Variants in WWOX observed in about 807,000 individuals in gnomAD.
WWOX encodes the protein WW domain containing oxidoreductase.
Under a neutral mutation model 46.2 loss-of-function variants are expected in WWOX, and 69 were observed. That is an observed-to-expected ratio of 1.49 (90% CI 1.23 to 1.82). WWOX has a LOEUF of 1.82. Ranked by LOEUF, WWOX falls within the 40% of genes most tolerant of loss-of-function variation. WWOX has a pLI of 0.00. For missense variants in WWOX, 919 were observed against 542.6 expected, an observed-to-expected ratio of 1.69 and a Z score of -6.89; for synonymous variants, 359 against 202.6, an observed-to-expected ratio of 1.77 and a Z score of -6.56.
chr16:78,268,934 G>C (rs1019147242), intron 5 of WWOX, among the ~76,000 whole-genome samples: 3 of 151,984 alleles, frequency 2.0e-5, no homozygotes, highest in African/African-American at 4.8e-5. Flanking sequence ...AGGCAACCAT[G>C]ATTAGTATTT....
intron 8 of WWOX, among the ~76,000 whole-genome samples, chr16:78,492,914 A>G (rs966263681): frequency 2.6e-5 from 4 of 152,130 alleles, no homozygotes; most frequent in African/African-American, 9.7e-5. Flanking sequence ...TCCTTTATTC[A>G]CGACAGACAT....
At chr16:78,371,466 T>C (rs2081683961) in intron 5 of WWOX, among the ~76,000 whole-genome samples, 1 of 152,194 alleles carries the variant, frequency 6.6e-6, no homozygotes. Context: ...TGTAGCTCTT[T>C]TAGTTGGTTT....
At chr16:78,991,407 A>G (rs994876159) in intron 8 of WWOX, among the ~76,000 whole-genome samples, 5 of 152,050 alleles carry the variant, frequency 3.3e-5, no homozygotes, top group African/African-American at 1.2e-4. Context: ...CAGCCTGGTC[A>G]ACACAAGGAG....
chr16:78,821,386 C>A (rs1291784272), intron 8 of WWOX, among the ~76,000 whole-genome samples: 3 of 152,146 alleles, frequency 2.0e-5, no homozygotes, highest in African/African-American at 7.2e-5. Context: ...TCTGGTTTAT[C>A]CTTCTTTCCC....
At chr16:78,405,199 T>C (rs2082498682) in intron 6 of WWOX, among the ~76,000 whole-genome samples, 1 of 152,194 alleles carries the variant, frequency 6.6e-6, no homozygotes. Context: ...TGGAATTCAC[T>C]ATAAGAAGTT....
intron 8 of WWOX, among the ~76,000 whole-genome samples, chr16:78,872,219 G>A (rs189352380): frequency 2.0e-5 from 3 of 152,282 alleles, no homozygotes; most frequent in Admixed American, 2.0e-4. Context: ...TCAAATCCCA[G>A]CTCTGCTATT....
intron 8 of WWOX, among the ~76,000 whole-genome samples, chr16:78,541,680 G>T (rs187381763): frequency 8.5e-4 from 129 of 151,888 alleles, no homozygotes; most frequent in African/African-American, 3.1e-3. Flanking sequence ...GTGTGACATT[G>T]AAAAAGTGAT....
chr16:79,201,430 A>C (rs570573912), intron 8 of WWOX, among the ~76,000 whole-genome samples: 1 of 151,038 alleles, frequency 6.6e-6, no homozygotes, highest in Non-Finnish European at 1.5e-5. Flanking sequence ...GGATTTGTAC[A>C]CGATGCCTGA....
At chr16:79,158,759 G>A (rs2050430033) in intron 8 of WWOX, among the ~76,000 whole-genome samples, 1 of 152,188 alleles carries the variant, frequency 6.6e-6, no homozygotes, top group African/African-American at 2.4e-5. Context: ...CCAGTCTAAA[G>A]AAGCCACCTC....
chr16:78,482,342 C>T (rs914198920), intron 8 of WWOX, among the ~76,000 whole-genome samples: 38 of 152,212 alleles, frequency 2.5e-4, no homozygotes, highest in African/African-American at 9.1e-4. Context: ...CTTCCTCGGC[C>T]TCCGTAGTAG....
At chr16:78,914,900 A>G (rs2151260757) in intron 8 of WWOX, among the ~76,000 whole-genome samples, 1 of 151,632 alleles carries the variant, frequency 6.6e-6, no homozygotes, top group African/African-American at 2.4e-5. Context: ...AAAAAAAAAA[A>G]AAAGGAACCA....
At chr16:79,104,871 G>C (rs1344970622) in intron 8 of WWOX, among the ~76,000 whole-genome samples, 1 of 152,116 alleles carries the variant, frequency 6.6e-6, no homozygotes, top group Non-Finnish European at 1.5e-5. Flanking sequence ...TCCAAACCTC[G>C]ACAGACAGCG....
In WWOX at chr16:78,522,746, T is replaced by C. The variant is rs114239484; in HGVS notation, c.1056+89994T>C. On this transcript the variant is annotated intron_variant, in intron 8 of 8. Coordinates refer to ENST00000566780, the MANE Select transcript of WWOX (RefSeq NM_016373.4). ...GGAGCTCTGATGAGACTTGGGATGA[T>C]AAAGTCAAGTCGAATATCTGGTAGG... is the stretch of plus-strand genomic sequence containing the variant. Among the ~76,000 whole-genome samples the C allele has an allele frequency of 9.0e-3, 1,371 of 152,304 alleles. 19 individuals carry two copies. The highest frequency in any genetic ancestry group is 0.028 in the African/African-American group (1,180 of 41,570).
chr16:79,173,197 C>T (rs866778185), intron 8 of WWOX, among the ~76,000 whole-genome samples: 3 of 152,192 alleles, frequency 2.0e-5, no homozygotes, highest in Non-Finnish European at 4.4e-5. Context: ...GCAGAGTGAA[C>T]CCTTTCGGTT....
chr16:78,839,709 T>C (rs2151167156), intron 8 of WWOX, among the ~76,000 whole-genome samples: 1 of 152,204 alleles, frequency 6.6e-6, no homozygotes, highest in Non-Finnish European at 1.5e-5. Flanking sequence ...ATTTGGAAAA[T>C]ACATCCCTGG....
chr16:79,047,483 G>C (rs753658784), intron 8 of WWOX, among the ~76,000 whole-genome samples: 1 of 151,968 alleles, frequency 6.6e-6, no homozygotes, highest in Non-Finnish European at 1.5e-5. Flanking sequence ...CTGGCATATA[G>C]AAATGATGTC....
intron 5 of WWOX, 108 bp from the exon 6 acceptor site, chr16:78,386,752 A>G (rs2082069526): frequency 2.0e-6 from 2 of 991,480 alleles, no homozygotes; most frequent in South Asian, 1.3e-5. Context: ...GGCGTCTTAT[A>G]TTAAACAGGG....
intron 8 of WWOX, among the ~76,000 whole-genome samples, chr16:78,948,056 G>A (rs753707858): frequency 6.6e-6 from 1 of 152,216 alleles, no homozygotes; most frequent in East Asian, 1.9e-4. Flanking sequence ...AGGAAAGAAG[G>A]CAGCCTGTGC....
chr16:78,930,754 G>A (rs980642503), intron 8 of WWOX, among the ~76,000 whole-genome samples: 3 of 152,144 alleles, frequency 2.0e-5, no homozygotes, highest in Non-Finnish European at 2.9e-5. Context: ...TCACTGAAAA[G>A]TCCTGGCAAG....
Sources: gnomAD v4.1 joint callset for allele counts (sites outside exome capture counted in the v4.1 genomes callset) on GRCh38, gnomAD v4.1.1 for gene constraint, MANE v1.5 for transcripts, NCBI Gene and HGNC (gene_info 2026-07-23, HGNC 2026-07-21) for gene names.